DTNA: variants seen among roughly 807,000 people sequenced by gnomAD.
DTNA encodes dystrobrevin alpha, also known as dystrophin-related protein 3.
In DTNA, 43 loss-of-function variants were observed where a neutral mutation model predicts 100.7. That is an observed-to-expected ratio of 0.43 (90% CI 0.33 to 0.55). The LOEUF (loss-of-function observed/expected upper bound fraction) is 0.55. Among genes scored for constraint, DTNA ranks in the 20% least tolerant of loss-of-function variants. The pLI is 0.04. For synonymous variants in DTNA, 349 were observed against 347.9 expected (o/e 1.00, Z -0.04); for missense variants, 798 against 953.9 (o/e 0.84, Z 2.15).
At position 34,866,322 on chromosome 18, in the gene DTNA, A is replaced by AT. The variant is rs1252146027; in HGVS notation, c.1743+2261dup. On this transcript the variant is annotated intron_variant, in intron 17 of 22. Transcript: ENST00000444659. The stretch of plus-strand genomic sequence containing the variant: ...TATAAATTTAGCATTTTTTATAACT[A>AT]TCACTACTATCCACATCAAAAGAAG... The AT allele has an allele frequency of 4.8e-6, 7 of 1,467,902 alleles. No individual in the cohort carries two copies. In the East Asian group the frequency reaches 1.3e-4, roughly 26 times the overall value. 90.9% of individuals were successfully genotyped at this position (1,467,902 alleles called of 1,614,324 possible). A position where few individuals can be genotyped will look rare whatever the true frequency, so the allele number is the denominator to read the frequency against.
At chr18:34,602,135 T>C (rs2051994361) in intron 1 of DTNA, among the ~76,000 whole-genome samples, 1 of 152,222 alleles carries the variant, frequency 6.6e-6, no homozygotes, top group Non-Finnish European at 1.5e-5. Flanking sequence ...TACCCTTTGC[T>C]TAGCATTTAG....
intron 1 of DTNA, among the ~76,000 whole-genome samples, chr18:34,592,772 T>A (rs2049886693): frequency 6.6e-6 from 1 of 152,126 alleles, no homozygotes; most frequent in Admixed American, 6.5e-5. Flanking sequence ...AACAAAAAAT[T>A]TGTCATTTCT....
chr18:34,672,801 T>C (rs572908251), intron 1 of DTNA, among the ~76,000 whole-genome samples: 70 of 152,296 alleles, frequency 4.6e-4, no homozygotes, highest in Non-Finnish European at 8.5e-4. Context: ...AATTATATGG[T>C]ATGTATATAT....
intron 8 of DTNA, among the ~76,000 whole-genome samples, chr18:34,819,547 C>T (rs940850816): frequency 6.6e-6 from 1 of 152,210 alleles, no homozygotes; most frequent in African/African-American, 2.4e-5. Context: ...ACTTCTACCC[C>T]ATATCCTAAA....
intron 13 of DTNA, among the ~76,000 whole-genome samples, chr18:34,841,462 T>C (rs948268370): frequency 6.6e-6 from 1 of 152,206 alleles, no homozygotes; most frequent in African/African-American, 2.4e-5. Flanking sequence ...TGACTTCTCA[T>C]GTTAATTGTA....
chr18:34,771,797 T>C (rs1395897716), intron 3 of DTNA, among the ~76,000 whole-genome samples: 1 of 152,228 alleles, frequency 6.6e-6, no homozygotes, highest in African/African-American at 2.4e-5. Context: ...TTTTGTTAAC[T>C]TTCCACAAAA....
At chr18:34,872,765 T>C (rs1368061565) in intron 17 of DTNA, among the ~76,000 whole-genome samples, 1 of 152,198 alleles carries the variant, frequency 6.6e-6, no homozygotes, top group Non-Finnish European at 1.5e-5. Context: ...CACCACAAGG[T>C]GGTCCTACTG....
rs2095491794 is a variant in DTNA at position 34,811,811 on chromosome 18, A to G, written c.449-148A>G. ...CCAGAGAAAACATTATGCCAGGAAT[A>G]TTTCAGCATAAAAATTAGCTTTTAT... On this transcript the variant is annotated intron_variant, in intron 5 of 22. Coordinates refer to ENST00000444659, the MANE Select transcript of DTNA (RefSeq NM_001386795.1). 4.4e-6 allele frequency: 4 copies of G among 913,684 alleles called. No individual in the cohort carries two copies. The Admixed American group carries it at 6.9e-5, about 16-fold the overall frequency. 56.6% of individuals were successfully genotyped at this position (913,684 alleles called of 1,614,324 possible). A position where few individuals can be genotyped will look rare whatever the true frequency, so the allele number is the denominator to read the frequency against.
At chr18:34,670,678 G>A (rs1208852509) in intron 1 of DTNA, among the ~76,000 whole-genome samples, 3 of 152,224 alleles carry the variant, frequency 2.0e-5, no homozygotes, top group Non-Finnish European at 4.4e-5. Flanking sequence ...GGAGTTTGCT[G>A]GAGGTCCACT....
intron 17 of DTNA, chr18:34,868,153 G>C: frequency 1.4e-4 from 35 of 249,256 alleles, no homozygotes; most frequent in Non-Finnish European, 1.7e-4. Context: ...TGGCAATGAA[G>C]CAAAAAAAAA....
intron 4 of DTNA, among the ~76,000 whole-genome samples, chr18:34,805,238 G>A (rs1011320342): frequency 6.6e-6 from 1 of 152,132 alleles, no homozygotes; most frequent in Non-Finnish European, 1.5e-5. Flanking sequence ...TATCACATTT[G>A]TGAAGGACAG....
At chr18:34,687,443 G>C (rs1437687088) in intron 1 of DTNA, among the ~76,000 whole-genome samples, 1 of 152,158 alleles carries the variant, frequency 6.6e-6, no homozygotes, top group Non-Finnish European at 1.5e-5. Flanking sequence ...CCATGTAGTT[G>C]TGCAGTTTTG....
chr18:34,818,682 G>C, intron 8 of DTNA: 1 of 1,103,440 alleles, frequency 9.1e-7, no homozygotes, highest in Non-Finnish European at 1.1e-6. Flanking sequence ...TTGTTTTGTG[G>C]AAACGGCTTA....
At chr18:34,691,059 C>T (rs2079677092) in intron 1 of DTNA, among the ~76,000 whole-genome samples, 1 of 152,158 alleles carries the variant, frequency 6.6e-6, no homozygotes, top group African/African-American at 2.4e-5. Flanking sequence ...TTGTGATGCT[C>T]CACTGCCTCT....
chr18:34,578,205 T>C (rs1270459751), intron 1 of DTNA, among the ~76,000 whole-genome samples: 2 of 152,120 alleles, frequency 1.3e-5, no homozygotes, highest in Non-Finnish European at 2.9e-5. Flanking sequence ...TGGTTTTGAT[T>C]TGCATTTCCC....
intron 1 of DTNA, among the ~76,000 whole-genome samples, chr18:34,558,993 T>C (rs73426135): frequency 6.6e-6 from 1 of 152,298 alleles, no homozygotes; most frequent in African/African-American, 2.4e-5. Flanking sequence ...TAATGTTGGT[T>C]GATTAAGAGT....
At chr18:34,774,525 G>A (rs2093947452) in intron 3 of DTNA, among the ~76,000 whole-genome samples, 2 of 152,206 alleles carry the variant, frequency 1.3e-5, no homozygotes, top group Non-Finnish European at 2.9e-5. Flanking sequence ...ACTCATTTAT[G>A]TATTCACTCC....
intron 1 of DTNA, among the ~76,000 whole-genome samples, chr18:34,711,545 A>G (rs2082906361): frequency 6.6e-6 from 1 of 152,208 alleles, no homozygotes; most frequent in Non-Finnish European, 1.5e-5. Flanking sequence ...GTGCAGATAT[A>G]GGAAAATCTT....
chr18:34,531,758 G>A (rs932795678), intron 1 of DTNA, among the ~76,000 whole-genome samples: 1 of 152,044 alleles, frequency 6.6e-6, no homozygotes, highest in African/African-American at 2.4e-5. Flanking sequence ...AACCCTTTCT[G>A]ACTTTTGGTT....
Sources: gnomAD v4.1 joint callset for allele counts (sites outside exome capture counted in the v4.1 genomes callset) on GRCh38, gnomAD v4.1.1 for gene constraint, MANE v1.5 for transcripts, NCBI Gene and HGNC (gene_info 2026-07-23, HGNC 2026-07-21) for gene names.